Variants in MLLT3 observed in about 807,000 individuals in gnomAD.
The protein encoded by MLLT3 is protein AF-9.
MLLT3 carries 4 observed loss-of-function variants against 53.2 expected under a neutral mutation model. The ratio of observed to expected loss-of-function variants is 0.08; its 90% CI spans 0.04 to 0.17. The LOEUF (loss-of-function observed/expected upper bound fraction) is 0.17. Ranked by LOEUF, MLLT3 falls within the 10% of genes least tolerant of loss-of-function variation. The probability of loss-of-function intolerance (pLI) is 1.00; values close to 1 mark genes in which losing one functional copy is unlikely to be tolerated. For missense variants in MLLT3, 569 were observed against 684.0 expected, an observed-to-expected ratio of 0.83 and a Z score of 1.87; for synonymous variants, 283 against 230.6, an observed-to-expected ratio of 1.23 and a Z score of -2.06.
intron 2 of MLLT3, 51 bp from the exon 3 acceptor site, chr9:20,456,837 A>T: frequency 7.5e-7 from 1 of 1,334,792 alleles, no homozygotes; most frequent in Non-Finnish European, 1.0e-6. Context: ...AGACAAAAAG[A>T]CATTCTTCTT....
rs190725518 is a variant in MLLT3 at position 20,501,156 on chromosome 9, C to T, written c.194-44370G>A. Reference sequence around the variant, plus strand: ...ATTACTATATTTCCCTTTCTACTTCCATAAATCATGATGTCACAAATCTTT... The same window carrying T: ...ATTACTATATTTCCCTTTCTACTTCTATAAATCATGATGTCACAAATCTTT... On this transcript the variant is annotated intron_variant, in intron 2 of 10. Transcript: ENST00000380338. 8.9e-4 allele frequency among the ~76,000 whole-genome samples: 136 copies of T among 152,304 alleles called. 1 individual carries two copies. Among genetic ancestry groups the T allele is most frequent in the African/African-American group, 3.0e-3 (125 of 41,560 alleles).
At position 20,342,289 on chromosome 9, in the gene MLLT3, G is replaced by A. The variant is rs1181529339; in HGVS notation, c.*4154C>T. On this transcript the variant is annotated 3_prime_UTR_variant, in exon 11 of 11. Transcript: ENST00000380338. ...ATTTCAACATGGATTTTAGAGAAGG[G>A]AAATACATCTTACAGTGTGCCTTGA... 4.5e-6 allele frequency: 1 copy of A among 223,838 alleles called. No individual in the cohort carries two copies. The highest frequency in any genetic ancestry group is 8.9e-6 in the Non-Finnish European group (1 of 112,330). 13.9% of individuals were successfully genotyped at this position (223,838 alleles called of 1,614,324 possible). A position where few individuals can be genotyped will look rare whatever the true frequency, so the allele number is the denominator to read the frequency against.
At chr9:20,433,393 TAAACATAA>T (rs1823325609) in intron 4 of MLLT3, among the ~76,000 whole-genome samples, 3 of 152,114 alleles carry the variant, frequency 2.0e-5, no homozygotes, top group African/African-American at 7.2e-5. Context: ...GATGATAAAA[TAAACATAA>T]GAATAAACTT....
intron 3 of MLLT3, among the ~76,000 whole-genome samples, chr9:20,451,325 T>G (rs1345878002): frequency 1.3e-5 from 2 of 152,158 alleles, no homozygotes; most frequent in African/African-American, 2.4e-5. Context: ...ACTAGGAAAA[T>G]ATATACTCCT....
chr9:20,484,112 T>C (rs1042373753), intron 2 of MLLT3, among the ~76,000 whole-genome samples: 1 of 151,960 alleles, frequency 6.6e-6, no homozygotes, highest in African/African-American at 2.4e-5. Context: ...GTGATATAAC[T>C]ACAGGTGATT....
At chr9:20,434,289 A>G (rs900212852) in intron 4 of MLLT3, among the ~76,000 whole-genome samples, 2 of 152,130 alleles carry the variant, frequency 1.3e-5, no homozygotes, top group African/African-American at 4.8e-5. Context: ...AATAAATTCT[A>G]AAGTATTCAG....
At position 20,353,509 on chromosome 9, in the gene MLLT3, A is replaced by T; in HGVS notation, c.1575+16T>A. 1 of 1,611,120 alleles carries T rather than the reference A, an allele frequency of 6.2e-7. No homozygotes were observed. The highest frequency in any genetic ancestry group is 8.5e-7 in the Non-Finnish European group (1 of 1,177,240). On this transcript the variant is annotated intron_variant, in intron 10 of 10. Transcript: ENST00000380338. The stretch of plus-strand genomic sequence containing the variant: ...TGAAGTTTCTGGAAAGGGTTGTGCT[A>T]AAAAGCATTTCTCACCTGCTGCAGA...
chr9:20,504,999 A>G (rs540599779), intron 2 of MLLT3, among the ~76,000 whole-genome samples: 1 of 152,020 alleles, frequency 6.6e-6, no homozygotes, highest in South Asian at 2.1e-4. Context: ...AGTTCAGGTG[A>G]AAAAAAAGAA....
At chr9:20,605,798 G>A (rs1210727858) in intron 2 of MLLT3, among the ~76,000 whole-genome samples, 1 of 151,992 alleles carries the variant, frequency 6.6e-6, no homozygotes, top group African/African-American at 2.4e-5. Flanking sequence ...CTGATTATGA[G>A]TCCTATATCA....
intron 5 of MLLT3, among the ~76,000 whole-genome samples, chr9:20,413,122 C>A (rs1822773249): frequency 6.6e-6 from 1 of 152,130 alleles, no homozygotes; most frequent in Admixed American, 6.5e-5. Context: ...ATTAAATATT[C>A]TCTTTCAAAA....
At chr9:20,506,760 G>A (rs1489980262) in intron 2 of MLLT3, among the ~76,000 whole-genome samples, 1 of 152,066 alleles carries the variant, frequency 6.6e-6, no homozygotes, top group Non-Finnish European at 1.5e-5. Flanking sequence ...AGAACTTAGT[G>A]TTCTTACTTT....
intron 2 of MLLT3, among the ~76,000 whole-genome samples, chr9:20,597,079 A>G (rs1453852057): frequency 2.0e-5 from 3 of 151,606 alleles, no homozygotes; most frequent in African/African-American, 7.3e-5. Context: ...CCTTAATTTC[A>G]TTTTCAGATT....
At chr9:20,433,398 A>G (rs1207740684) in intron 4 of MLLT3, among the ~76,000 whole-genome samples, 1 of 152,216 alleles carries the variant, frequency 6.6e-6, no homozygotes, top group Non-Finnish European at 1.5e-5. Context: ...TAAAATAAAC[A>G]TAAGAATAAA....
intron 2 of MLLT3, among the ~76,000 whole-genome samples, chr9:20,473,995 G>T (rs948195997): frequency 3.3e-5 from 5 of 152,034 alleles, no homozygotes; most frequent in African/African-American, 9.7e-5. Flanking sequence ...CTACAGACTT[G>T]GAATAAAGTT....
intron 5 of MLLT3, among the ~76,000 whole-genome samples, chr9:20,398,035 T>C (rs1271198286): frequency 1.3e-5 from 2 of 152,172 alleles, no homozygotes; most frequent in African/African-American, 2.4e-5. Flanking sequence ...TTGCCCCTTT[T>C]AGTTAGAAAC....
intron 2 of MLLT3, among the ~76,000 whole-genome samples, chr9:20,498,327 C>T (rs1379381718): frequency 1.4e-5 from 2 of 146,388 alleles, no homozygotes; most frequent in African/African-American, 2.5e-5. Context: ...AAATTTTAGC[C>T]ATTCTACTGA....
At chr9:20,582,538 T>C (rs898475124) in intron 2 of MLLT3, among the ~76,000 whole-genome samples, 2 of 152,184 alleles carry the variant, frequency 1.3e-5, no homozygotes, top group Admixed American at 6.5e-5. Flanking sequence ...AATATGCACT[T>C]GTATCAGTCC....
intron 2 of MLLT3, among the ~76,000 whole-genome samples, chr9:20,614,908 C>T (rs981862091): frequency 1.9e-4 from 14 of 73,928 alleles, no homozygotes; most frequent in Non-Finnish European, 3.3e-4. Flanking sequence ...AGAGAAGGAA[C>T]AAAGGACCTT....
chr9:20,463,161 C>T (rs1005822947), intron 2 of MLLT3, among the ~76,000 whole-genome samples: 3 of 152,028 alleles, frequency 2.0e-5, no homozygotes, highest in Non-Finnish European at 4.4e-5. Flanking sequence ...GAATTTGAGA[C>T]TCCAAATTGG....
Sources: allele counts gnomAD v4.1 joint callset (sites outside exome capture counted in the v4.1 genomes callset), GRCh38; gene constraint gnomAD v4.1.1; transcripts MANE v1.5; gene names NCBI Gene and HGNC (gene_info 2026-07-23, HGNC 2026-07-21).